ESRRB: variants seen among roughly 807,000 people sequenced by gnomAD.
The protein encoded by ESRRB is steroid hormone receptor ERR2.
Under a neutral mutation model 46.0 loss-of-function variants are expected in ESRRB, and 16 were observed. That is an observed-to-expected ratio of 0.35 (90% CI 0.24 to 0.53). ESRRB has a LOEUF of 0.53. ESRRB is among the 20% of genes least tolerant of loss of function. The probability of loss-of-function intolerance (pLI) is 0.93; values close to 1 mark genes in which losing one functional copy is unlikely to be tolerated. For synonymous variants in ESRRB, 246 were observed against 259.6 expected, an observed-to-expected ratio of 0.95 and a Z score of 0.50; for missense variants, 488 against 607.4, an observed-to-expected ratio of 0.80 and a Z score of 2.07.
chr14:76,333,269 A>G (rs1225306595), intron 1 of ESRRB, among the ~76,000 whole-genome samples: 4 of 9,158 alleles, frequency 4.4e-4, no homozygotes, highest in African/African-American at 1.8e-3. Flanking sequence ...TATATATTTT[A>G]TATATATGAT....
chr14:76,402,283 C>G (rs1885977741), intron 1 of ESRRB, among the ~76,000 whole-genome samples: 1 of 152,226 alleles, frequency 6.6e-6, no homozygotes, highest in African/African-American at 2.4e-5. Flanking sequence ...CAAAATTAAC[C>G]ATCATAGCAG....
At chr14:76,451,344 C>T (rs1160608440) in intron 2 of ESRRB, among the ~76,000 whole-genome samples, 4 of 152,120 alleles carry the variant, frequency 2.6e-5, no homozygotes, top group Admixed American at 1.3e-4. Flanking sequence ...CCTTAATGTC[C>T]GTATCAGTAA....
chr14:76,312,052 A>G (rs985915223), intron 1 of ESRRB, among the ~76,000 whole-genome samples: 4 of 142,628 alleles, frequency 2.8e-5, no homozygotes, highest in Non-Finnish European at 6.1e-5. Flanking sequence ...TTTTTTTTTT[A>G]ACCATGAGTT....
In ESRRB at chr14:76,498,280, A is replaced by AG; in HGVS notation, c.1189dup (p.Asp397GlyfsTer9). Reference sequence around the variant, plus strand: ...CAGGACCTGCTGCACGAGGCACTGCAGGACTACGAGCTGAGCCAGCGCCAT... The same window carrying AG: ...CAGGACCTGCTGCACGAGGCACTGCAGGGACTACGAGCTGAGCCAGCGCCAT... On this transcript the variant is annotated frameshift_variant, in exon 7 of 7. Transcript: ENST00000644823. LOFTEE classifies it high-confidence loss of function. 6.2e-7 allele frequency: 1 copy of AG among 1,611,082 alleles called. No homozygotes were observed.
At position 76,499,903 on chromosome 14, in the gene ESRRB, G is replaced by T. The variant is rs773144277; in HGVS notation, c.*1445G>T. ...CTTAGAGGATCTCCCAAGGATGAAA[G>T]AATGTCAAGCCATGATGGAAAATGC... On this transcript the variant is annotated 3_prime_UTR_variant, in exon 7 of 7. Coordinates refer to ENST00000644823, the MANE Select transcript of ESRRB (RefSeq NM_001379180.1). The T allele has an allele frequency of 6.2e-7, 1 of 1,614,082 alleles. No homozygotes were observed. Among genetic ancestry groups the T allele is most frequent in the African/African-American group, 1.3e-5 (1 of 74,934 alleles).
upstream of ESRRB, among the ~76,000 whole-genome samples, chr14:76,368,681 A>C (rs1884555292): frequency 6.6e-6 from 1 of 152,172 alleles, no homozygotes; most frequent in Non-Finnish European, 1.5e-5. Flanking sequence ...CAAGTCAGGA[A>C]TTCTATTGAA....
At chr14:76,385,226 A>AC (rs949478378) in intron 1 of ESRRB, among the ~76,000 whole-genome samples, 1 of 151,540 alleles carries the variant, frequency 6.6e-6, no homozygotes, top group East Asian at 1.9e-4. Flanking sequence ...AAAAAAAAAA[A>AC]AACAACCAAA....
intron 1 of ESRRB, among the ~76,000 whole-genome samples, chr14:76,402,666 C>T (rs1885992823): frequency 6.6e-6 from 1 of 152,170 alleles, no homozygotes; most frequent in South Asian, 2.1e-4. Flanking sequence ...AGTGAAAGGA[C>T]TCAAGAGAGA....
In ESRRB at chr14:76,499,495, G is replaced by A. The variant is rs946762878; in HGVS notation, c.*1037G>A. 6 of 379,500 alleles carry A rather than the reference G, an allele frequency of 1.6e-5. No homozygotes were observed. The highest frequency in any genetic ancestry group is 1.0e-4 in the African/African-American group (5 of 47,936). The allele number at this position is 379,500 out of a possible 1,614,324, so 23.5% of individuals were successfully genotyped here. ...GATAAGTAGGCAGGGGAGCCCCAAA[G>A]GGAGGGAACTCAGCGGGGTGGCCTG... is the stretch of plus-strand genomic sequence containing the variant. On this transcript the variant is annotated 3_prime_UTR_variant, in exon 7 of 7. Transcript: ENST00000644823.
intron 1 of ESRRB, among the ~76,000 whole-genome samples, chr14:76,316,428 G>A (rs1883800611): frequency 6.6e-6 from 1 of 151,638 alleles, no homozygotes; most frequent in Non-Finnish European, 1.5e-5. Flanking sequence ...CTAGCAGTTG[G>A]TAGTAGTCAT....
In ESRRB at chr14:76,479,923, A is replaced by C. The variant is rs185952631; in HGVS notation, c.578-2093A>C. ...CACTCTGTTACTCAGGCTGGAGTGC[A>C]GTGGTGCAATCTCAGCTCACTGCAA... On this transcript the variant is annotated intron_variant, in intron 3 of 6. Coordinates refer to ENST00000644823, the MANE Select transcript of ESRRB (RefSeq NM_001379180.1). Among the ~76,000 whole-genome samples, 3 of 152,314 alleles carry C rather than the reference A, an allele frequency of 2.0e-5. No homozygotes were observed. In the East Asian group the frequency reaches 5.8e-4, roughly 29 times the overall value.
intron 1 of ESRRB, among the ~76,000 whole-genome samples, chr14:76,335,218 C>T (rs967608662): frequency 6.6e-6 from 1 of 152,238 alleles, no homozygotes; most frequent in African/African-American, 2.4e-5. Context: ...CTCCCAGGCT[C>T]TTTTCCGCCA....
intron 3 of ESRRB, chr14:76,463,446 T>TTTTTTTTGTTTTTTTTG (rs1566600003): frequency 1.9e-5 from 2 of 104,564 alleles, no homozygotes; most frequent in African/African-American, 9.0e-5. Context: ...TGCTTCTTTG[T>TTTTTTTTGTTTTTTTTG]TTTTTTTTTT....
chr14:76,427,429 C>T (rs1887253069), intron 1 of ESRRB, among the ~76,000 whole-genome samples: 1 of 152,000 alleles, frequency 6.6e-6, no homozygotes, highest in Non-Finnish European at 1.5e-5. Flanking sequence ...AGACGTCCTT[C>T]ACAGGAGAGA....
intron 1 of ESRRB, among the ~76,000 whole-genome samples, chr14:76,412,360 G>A (rs1595091572): frequency 6.6e-6 from 1 of 152,278 alleles, no homozygotes; most frequent in East Asian, 1.9e-4. Flanking sequence ...TTGTTTCTTG[G>A]TATTTGGAAG....
intron 2 of ESRRB, among the ~76,000 whole-genome samples, chr14:76,462,080 G>A (rs186109679): frequency 1.8e-3 from 272 of 152,348 alleles, no homozygotes; most frequent in African/African-American, 6.2e-3. Flanking sequence ...TGCAGAACCC[G>A]GGCCTTGATC....
rs917996221 is a variant in ESRRB at position 76,482,310 on chromosome 14, C to T, written c.688+184C>T. Among the ~76,000 whole-genome samples the T allele has an allele frequency of 3.9e-4, 60 of 152,178 alleles. No homozygotes were observed. Among genetic ancestry groups the T allele is most frequent in the African/African-American group, 1.2e-3 (51 of 41,440 alleles). On this transcript the variant is annotated intron_variant, in intron 4 of 6. Coordinates refer to ENST00000644823, the MANE Select transcript of ESRRB (RefSeq NM_001379180.1). The surrounding 1 kb of genome is among the most constrained non-coding windows in gnomAD (Gnocchi z 4.3). The stretch of plus-strand genomic sequence containing the variant: ...AATGAAGCATGGTCCTGACAAGCCA[C>T]GGGCCCCAATGTCCAGAACATGCTC...
intron 1 of ESRRB, among the ~76,000 whole-genome samples, chr14:76,391,496 T>C (rs1395696782): frequency 6.6e-6 from 1 of 152,250 alleles, no homozygotes; most frequent in East Asian, 1.9e-4. Context: ...AGCTCATTGC[T>C]GGGGTCTGCT....
chr14:76,333,449 G>GATATATAAA (rs1566854142), intron 1 of ESRRB, among the ~76,000 whole-genome samples: 1 of 46,250 alleles, frequency 2.2e-5, no homozygotes, highest in Non-Finnish European at 3.7e-5. Flanking sequence ...TGATATATAA[G>GATATATAAA]TATATCATAT....
Sources: allele counts gnomAD v4.1 joint callset (sites outside exome capture counted in the v4.1 genomes callset), GRCh38; gene constraint gnomAD v4.1.1; non-coding constraint Gnocchi (gnomAD v3.1); transcripts MANE v1.5; gene names NCBI Gene and HGNC (gene_info 2026-07-23, HGNC 2026-07-21).